Variants in CMYA5 observed in about 807,000 individuals in gnomAD.
CMYA5 encodes the protein cardiomyopathy associated 5, also known as cardiomyopathy-associated protein 5.
CMYA5 carries 246 observed loss-of-function variants against 318.9 expected under a neutral mutation model. That is an observed-to-expected ratio of 0.77 (90% CI 0.70 to 0.86). The LOEUF (loss-of-function observed/expected upper bound fraction) is 0.86, where lower values mean the gene tolerates loss of function less well. CMYA5 is among the 40% of genes least tolerant of loss of function. The pLI, the probability that CMYA5 is intolerant of heterozygous loss-of-function variation, is 0.00. For missense variants in CMYA5, 4,589 were observed against 4,678.2 expected (o/e 0.98, Z 0.56); for synonymous variants, 1,641 against 1,729.5 (o/e 0.95, Z 1.27).
chr5:79,786,093 CTTTG>C, intron 9 of CMYA5, among the ~76,000 whole-genome samples: 1 of 152,328 alleles, frequency 6.6e-6, no homozygotes, highest in Non-Finnish European at 1.5e-5. Flanking sequence ...TTTCTCTCTG[CTTTG>C]TAGCAGTGGA....
Position 79,778,800 on chromosome 5 carries a change from C to T in CMYA5, c.11556-10171C>T, listed in dbSNP as rs377248813. On this transcript the variant is annotated intron_variant, in intron 9 of 12. Transcript: ENST00000446378. ...AAAATGCCCCCATGCCGCCTGCCCC[C>T]CTCTCTCTTTCTGTGTGTGTGTGTG... Among the ~76,000 whole-genome samples, 46 of 85,006 alleles carry T rather than the reference C, an allele frequency of 5.4e-4. 1 individual carries two copies. The East Asian group carries it at 0.022, about 41-fold the overall frequency. The allele number at this position is 85,006 out of a possible 152,430, so 55.8% of individuals were successfully genotyped here.
chr5:79,707,168 G>A (rs1827290876), intron 1 of CMYA5, among the ~76,000 whole-genome samples: 2 of 152,268 alleles, frequency 1.3e-5, no homozygotes, highest in Middle Eastern at 3.4e-3. Context: ...AATGATGAGT[G>A]TTAAAGCCCC....
intron 1 of CMYA5, among the ~76,000 whole-genome samples, chr5:79,713,296 C>T (rs1284065280): frequency 1.3e-4 from 6 of 46,814 alleles, no homozygotes; most frequent in Non-Finnish European, 1.7e-4. Flanking sequence ...CGCTGCACCC[C>T]GCCCCCACCC....
At chr5:79,727,167 C>T (rs1312719191) in intron 1 of CMYA5, among the ~76,000 whole-genome samples, 1 of 152,078 alleles carries the variant, frequency 6.6e-6, no homozygotes, top group African/African-American at 2.4e-5. Flanking sequence ...CCACCCGCCT[C>T]GGCCTCCCAA....
intron 12 of CMYA5, among the ~76,000 whole-genome samples, chr5:79,794,601 C>T (rs1321847390): frequency 6.6e-6 from 1 of 152,192 alleles, no homozygotes; most frequent in African/African-American, 2.4e-5. Context: ...TAATGCCTGG[C>T]TTGCTACCTT....
chr5:79,727,242 T>C (rs1379480169), intron 1 of CMYA5, among the ~76,000 whole-genome samples: 1 of 152,174 alleles, frequency 6.6e-6, no homozygotes, highest in Non-Finnish European at 1.5e-5. Flanking sequence ...ATACATATTG[T>C]AGTCGCCTGG....
Position 79,735,151 on chromosome 5 carries a change from C to G in CMYA5, c.6386C>G (p.Pro2129Arg), listed in dbSNP as rs1156489088. The change falls in exon 2 of 13, where the codon CCC (proline) becomes CGC (arginine). Residue 2129 changes from proline (P) to arginine (R), a missense_variant. Around this residue, in one of 3 missense-constraint regions of CMYA5, gnomAD observed 2,431 missense variants for 2,495.1 expected, o/e 0.97. Transcript: ENST00000446378. ...AAACCATCACCTGAAGTAAAAATACCCACACAAAGAAAACCCATCTCCTCA... is the reference window on the plus strand; with the variant it reads ...AAACCATCACCTGAAGTAAAAATACGCACACAAAGAAAACCCATCTCCTCA... ...GKKPSPEVKI[P>R]TQRKPISSIH... 5.0e-6 allele frequency: 8 copies of G among 1,613,380 alleles called. No individual in the cohort carries two copies. Among genetic ancestry groups the G allele is most frequent in the Non-Finnish European group, 6.8e-6 (8 of 1,179,740 alleles).
intron 9 of CMYA5, among the ~76,000 whole-genome samples, chr5:79,784,618 T>G (rs1580805107): frequency 1.2e-5 from 1 of 85,746 alleles, no homozygotes; most frequent in Non-Finnish European, 2.3e-5. Flanking sequence ...TATAGTCTCG[T>G]GGTGCGCCGT....
At position 79,793,474 on chromosome 5, in the gene CMYA5, G is replaced by A. The variant is rs1310242382; in HGVS notation, c.11827G>A (p.Gly3943Ser). 3 of 1,613,594 alleles carry A rather than the reference G, an allele frequency of 1.9e-6. No homozygotes were observed. Among genetic ancestry groups the A allele is most frequent in the Admixed American group, 1.7e-5 (1 of 60,004 alleles). Residue 3943 changes from glycine (G) to serine (S), a missense_variant, in exon 12 of 13, where the codon GGC (glycine) becomes AGC (serine). Physicochemically the swap from Gly to Ser is moderately conservative, Grantham distance 56. Coordinates refer to ENST00000446378, the MANE Select transcript of CMYA5 (RefSeq NM_153610.5). Reference protein sequence around the residue: ...SVLGEELPSCGQHYWETTVTD... With the variant: ...SVLGEELPSCSQHYWETTVTD... Reference sequence around the variant, plus strand: ...GCTGGGTGAGGAGCTGCCTTCCTGTGGCCAGCATTACTGGGAAACCACAGT... The same window carrying A: ...GCTGGGTGAGGAGCTGCCTTCCTGTAGCCAGCATTACTGGGAAACCACAGT...
chr5:79,745,547 T>C (rs1442750945), intron 4 of CMYA5, 92 bp downstream of exon 4: 1 of 809,550 alleles, frequency 1.2e-6, no homozygotes, highest in Non-Finnish European at 2.1e-6. Context: ...CTTAAGATTA[T>C]TTATATCTCT....
chr5:79,706,165 C>T (rs888029376), intron 1 of CMYA5, among the ~76,000 whole-genome samples: 3 of 152,038 alleles, frequency 2.0e-5, no homozygotes, highest in African/African-American at 7.3e-5. Context: ...GCTGGATATA[C>T]CAGCATTTAT....
chr5:79,735,967 C>A lies in CMYA5; in HGVS notation c.7202C>A (p.Thr2401Lys). ...TCCAACTTTGCAAGTAAAAATATCA[C>A]AAAGGAATCAGAGAAACCAGAGTCA... ...ASSNFASKNI[T>K]KESEKPESII... is the part of the protein sequence containing the mutation. The change falls in exon 2 of 13, where the codon ACA becomes AAA. Residue 2401 changes from threonine to lysine, a missense_variant. Transcript: ENST00000446378. 1 of 1,612,768 alleles carries A rather than the reference C, an allele frequency of 6.2e-7. No individual in the cohort carries two copies. The highest frequency in any genetic ancestry group is 8.5e-7 in the Non-Finnish European group (1 of 1,179,540).
intron 1 of CMYA5, among the ~76,000 whole-genome samples, chr5:79,700,473 C>T (rs1206149526): frequency 6.6e-6 from 1 of 152,124 alleles, no homozygotes; most frequent in Non-Finnish European, 1.5e-5. Flanking sequence ...TCAAACCATG[C>T]CTTAAAACTG....
rs749870034 is a variant in CMYA5, at chr5:79,731,041, C to T, written c.2276C>T (p.Thr759Ile). ...GAGCCCTCTCTCTCACCATCCACAACCGAAAAGACTTCTGAATGCCAGTCA... is the reference window on the plus strand; with the variant it reads ...GAGCCCTCTCTCTCACCATCCACAATCGAAAAGACTTCTGAATGCCAGTCA... The part of the protein sequence containing the change: ...ASEPSLSPST[T>I]EKTSECQSPL... Residue 759 changes from threonine to isoleucine, a missense_variant, in exon 2 of 13, where the codon ACC becomes ATC. Around this residue, in one of 3 missense-constraint regions of CMYA5, gnomAD observed 2,132 missense variants for 2,131.3 expected, o/e 1.00. Coordinates refer to ENST00000446378, the MANE Select transcript of CMYA5 (RefSeq NM_153610.5). 5.0e-6 allele frequency: 8 copies of T among 1,614,006 alleles called. No homozygotes were observed. The highest frequency in any genetic ancestry group is 1.1e-5 in the South Asian group (1 of 91,072).
rs1310580272 is a variant in CMYA5 at position 79,800,039 on chromosome 5, A to C, written c.*423A>C. 2 of 158,762 alleles carry C rather than the reference A, an allele frequency of 1.3e-5. No homozygotes were observed. The highest frequency in any genetic ancestry group is 2.8e-5 in the Non-Finnish European group (2 of 71,832). The allele number at this position is 158,762 out of a possible 1,614,324, so 9.8% of individuals were successfully genotyped here. On this transcript the variant is annotated 3_prime_UTR_variant, in exon 13 of 13. Transcript: ENST00000446378. ...TTTCCACAAAATGTCACCTCGCTGC[A>C]CTAAAGGATGATGAATCCTAATCAT... is the stretch of plus-strand genomic sequence containing the variant.
intron 9 of CMYA5, 73 bp from the exon 10 acceptor site, chr5:79,788,894 TTCAC>T: frequency 7.1e-7 from 1 of 1,411,996 alleles, no homozygotes; most frequent in Non-Finnish European, 9.8e-7. Flanking sequence ...AAGATGTTCA[TTCAC>T]TACCAAATTG....
intron 1 of CMYA5, among the ~76,000 whole-genome samples, chr5:79,696,896 A>G (rs1827078005): frequency 6.6e-6 from 1 of 152,216 alleles, no homozygotes; most frequent in African/African-American, 2.4e-5. Context: ...AATCCCAGCT[A>G]CTTGGGAGGC....
rs749267345 is a variant in CMYA5 at position 79,737,807 on chromosome 5, C to T, written c.9042C>T (p.Thr3014=). Residue 3014 remains threonine (T), a synonymous_variant, in exon 2 of 13, where the codon ACC becomes ACT. Transcript: ENST00000446378. The part of the protein sequence containing the change: ...LKSRLEDEKV[T]PLKENKQKET... ...GCAGGTTAGAAGATGAAAAAGTTAC[C>T]CCATTGAAAGAAAATAAACAAAAGG... The T allele has an allele frequency of 2.3e-5, 37 of 1,607,964 alleles. 2 individuals carry two copies. The South Asian group carries it at 4.2e-4, about 18-fold the overall frequency.
rs780017437 is a variant in CMYA5, at chr5:79,729,335, T to A, written c.570T>A (p.Asp190Glu). 1 of 1,612,260 alleles carries A rather than the reference T, an allele frequency of 6.2e-7. No individual in the cohort carries two copies. ...EKEKSYTGIYDKARKKKTTSN... is the reference protein window; with the variant it reads ...EKEKSYTGIYEKARKKKTTSN... ...AGAAGTCATATACTGGCATTTATGATAAAGCAAGAAAAAAGAAGACCACTT... is the reference window on the plus strand; with the variant it reads ...AGAAGTCATATACTGGCATTTATGAAAAAGCAAGAAAAAAGAAGACCACTT... Residue 190 changes from aspartate (D) to glutamate (E), a missense_variant, in exon 2 of 13, where the codon GAT (aspartate) becomes GAA (glutamate). Asp to Glu is a conservative substitution (Grantham distance 45). This residue lies in a region of CMYA5 where 2,132 missense variants were observed against 2,131.3 expected (regional missense o/e 1.00). Coordinates refer to ENST00000446378, the MANE Select transcript of CMYA5 (RefSeq NM_153610.5).
Sources: allele counts gnomAD v4.1 joint callset (sites outside exome capture counted in the v4.1 genomes callset), GRCh38; gene constraint gnomAD v4.1.1; regional missense constraint gnomAD v4.1.1; transcripts MANE v1.5; gene names NCBI Gene and HGNC (gene_info 2026-07-23, HGNC 2026-07-21).